UBTF: variants seen among roughly 807,000 people sequenced by gnomAD.
UBTF encodes nucleolar transcription factor 1.
UBTF carries 8 observed loss-of-function variants against 112.3 expected under a neutral mutation model. That is an observed-to-expected ratio of 0.07 (90% CI 0.04 to 0.13). The LOEUF is 0.13. Ranked by LOEUF, UBTF falls within the 10% of genes least tolerant of loss-of-function variation. UBTF has a pLI of 1.00. For synonymous variants in UBTF, 417 were observed against 373.1 expected (o/e 1.12, Z -1.36); for missense variants, 457 against 982.1 (o/e 0.47, Z 7.15).
chr17:44,216,815 T>G, intron 2 of UBTF, 111 bp from the exon 3 acceptor site: 1 of 1,109,618 alleles, frequency 9.0e-7, no homozygotes, highest in Admixed American at 1.8e-5. Flanking sequence ...AGCCCCTGGT[T>G]GCTTCCCATC....
upstream of UBTF, among the ~76,000 whole-genome samples, chr17:44,220,106 G>A (rs943414507): frequency 6.7e-6 from 1 of 149,488 alleles, no homozygotes; most frequent in African/African-American, 2.4e-5. Flanking sequence ...GCCGGGGCAG[G>A]GAGACACGCA....
intron 3 of UBTF, chr17:44,216,326 C>T (rs1431624294): frequency 1.5e-6 from 1 of 651,848 alleles, no homozygotes; most frequent in Non-Finnish European, 2.7e-6. Flanking sequence ...CTCAAGACCA[C>T]TCAGATAGAA....
intron 17 of UBTF, 98 bp from the exon 18 acceptor site, chr17:44,208,009 T>A (rs149153627): frequency 6.7e-7 from 1 of 1,488,888 alleles, no homozygotes; most frequent in African/African-American, 1.4e-5. Flanking sequence ...CATTTATATA[T>A]CATCACCCCA....
At chr17:44,208,444 T>C (rs986920239) in intron 17 of UBTF, among the ~76,000 whole-genome samples, 8 of 152,202 alleles carry the variant, frequency 5.3e-5, no homozygotes, top group African/African-American at 1.9e-4. Context: ...AGAGTCCTTC[T>C]CTAAACCACT....
rs962530278 is a variant in UBTF at position 44,207,371 on chromosome 17, G to T, written c.2170-4C>A. 1.2e-6 allele frequency: 2 copies of T among 1,612,648 alleles called. No homozygotes were observed. The highest frequency in any genetic ancestry group is 1.7e-5 in the Admixed American group (1 of 59,826). On this transcript the variant is annotated splice_region_variant and splice_polypyrimidine_tract_variant and intron_variant, in intron 20 of 20. Transcript: ENST00000436088. ...CGTCCTCGTCATCCTCTTCATTCTG[G>T]GGGGTGAGAAAGGATGTGGAGTCAC...
At position 44,207,930 on chromosome 17, in the gene UBTF, G is replaced by C; in HGVS notation, c.1906-19C>G. Reference sequence around the variant, plus strand: ...ACAGGCTCTGGGGGAGACAGAAGCGGCAAGGGTTGGAACATAGCCAACTAC... The same window carrying C: ...ACAGGCTCTGGGGGAGACAGAAGCGCCAAGGGTTGGAACATAGCCAACTAC... On this transcript the variant is annotated intron_variant, in intron 17 of 20. Coordinates refer to ENST00000436088, the MANE Select transcript of UBTF (RefSeq NM_014233.4). 6.2e-7 allele frequency: 1 copy of C among 1,613,646 alleles called. No homozygotes were observed. Among genetic ancestry groups the C allele is most frequent in the Non-Finnish European group, 8.5e-7 (1 of 1,179,980 alleles).
chr17:44,212,112 G>A lies in UBTF; in HGVS notation c.772-106C>T, dbSNP rs571657316. ...GGGCAGGCAGGGAGCAAAGCTGGGG[G>A]TGGCTGCGCGTCAGTGGTGTCACAC... On this transcript the variant is annotated intron_variant, in intron 8 of 20. Transcript: ENST00000436088. 7.8e-5 allele frequency: 96 copies of A among 1,235,024 alleles called. No homozygotes were observed. In the African/African-American group the frequency reaches 1.2e-3, roughly 15 times the overall value. 76.5% of individuals were successfully genotyped at this position (1,235,024 alleles called of 1,614,324 possible). A position where few individuals can be genotyped will look rare whatever the true frequency, so the allele number is the denominator to read the frequency against.
At chr17:44,216,068 G>T in intron 3 of UBTF, 79 bp from the exon 4 acceptor site, 1 of 1,158,984 alleles carries the variant, frequency 8.6e-7, no homozygotes, top group Non-Finnish European at 1.3e-6. Context: ...ATCTTATAAC[G>T]GGTCTCTTCT....
intron 12 of UBTF, 37 bp from the exon 13 acceptor site, chr17:44,210,984 G>A (rs371146318): frequency 3.7e-4 from 594 of 1,600,310 alleles, no homozygotes; most frequent in South Asian, 7.4e-4. Flanking sequence ...CGTGGGTGCT[G>A]CCAGGGAGCC....
chr17:44,212,018 G>T lies in UBTF; in HGVS notation c.772-12C>A. ...TCTCTCATGATCTCCTGCAGAGCCAGGTGGGGGGACGGAGGGCAATGGGGT... is the reference window on the plus strand; with the variant it reads ...TCTCTCATGATCTCCTGCAGAGCCATGTGGGGGGACGGAGGGCAATGGGGT... On this transcript the variant is annotated splice_polypyrimidine_tract_variant and intron_variant, in intron 8 of 20. Transcript: ENST00000436088. 1 of 1,612,446 alleles carries T rather than the reference G, an allele frequency of 6.2e-7. No individual in the cohort carries two copies.
At chr17:44,215,374 GGA>G (rs1009988213) in intron 5 of UBTF, 2 of 453,482 alleles carry the variant, frequency 4.4e-6, no homozygotes, top group Non-Finnish European at 8.0e-6. Flanking sequence ...GGTGTATGGG[GGA>G]GAGAGAGCTT....
Position 44,211,819 on chromosome 17 carries a change from C to T in UBTF, c.905+54G>A. The T allele has an allele frequency of 1.2e-6, 2 of 1,602,196 alleles. No individual in the cohort carries two copies. Among genetic ancestry groups the T allele is most frequent in the Middle Eastern group, 1.7e-4 (1 of 6,022 alleles). ...CAGCAGGCCTTCTCACCTGCAGAGC[C>T]CAGCCCAACTTCCCAGCTGCCCACT... On this transcript the variant is annotated intron_variant, in intron 9 of 20. Coordinates refer to ENST00000436088, the MANE Select transcript of UBTF (RefSeq NM_014233.4). This position sits in a 1 kb window ranked among gnomAD's most constrained non-coding sequence, Gnocchi z 4.9.
Position 44,215,777 on chromosome 17 carries a change from G to A in UBTF, c.351C>T (p.Thr117=). Residue 117 remains threonine (T), a synonymous_variant, in exon 5 of 21, where the codon ACC becomes ACT. Coordinates refer to ENST00000436088, the MANE Select transcript of UBTF (RefSeq NM_014233.4). ...KHPDFPKKPL[T]PYFRFFMEKR... ...TCTCCATGAAGAAGCGGAAATAAGG[G>A]GTCAGGGGCTTCTTTGGGAAGTCTG... 6.2e-7 allele frequency: 1 copy of A among 1,614,136 alleles called. No homozygotes were observed. The highest frequency in any genetic ancestry group is 8.5e-7 in the Non-Finnish European group (1 of 1,180,028).
At chr17:44,213,397 G>A in intron 5 of UBTF, 115 bp from the exon 6 acceptor site, 2 of 1,182,594 alleles carry the variant, frequency 1.7e-6, no homozygotes, top group Non-Finnish European at 2.3e-6. Flanking sequence ...TGTGATGCAG[G>A]GAGTGGAGGC....
chr17:44,213,053 G>C (rs1223137838), intron 6 of UBTF, 114 bp from the exon 7 acceptor site: 1 of 1,552,004 alleles, frequency 6.4e-7, no homozygotes, highest in African/African-American at 1.4e-5. Context: ...CAGTGGGACG[G>C]TGGCTGCCTG....
rs2056213343 is a variant in UBTF, at chr17:44,205,835, AT to A, written c.*1406del. The A allele has an allele frequency of 6.6e-6, 1 of 152,258 alleles. No homozygotes were observed. Among genetic ancestry groups the A allele is most frequent in the Non-Finnish European group, 1.5e-5 (1 of 68,040 alleles). 9.4% of individuals were successfully genotyped at this position (152,258 alleles called of 1,614,324 possible). A position where few individuals can be genotyped will look rare whatever the true frequency, so the allele number is the denominator to read the frequency against. The stretch of plus-strand genomic sequence containing the variant: ...CTACAGAGATAAGGTGGCTTGGCTT[AT>A]TAAGAGTCAAGGAATCAAGGTACCA... On this transcript the variant is annotated 3_prime_UTR_variant, in exon 21 of 21. Coordinates refer to ENST00000436088, the MANE Select transcript of UBTF (RefSeq NM_014233.4).
intron 3 of UBTF, 84 bp downstream of exon 3, chr17:44,216,445 C>G (rs2046850842): frequency 1.3e-6 from 2 of 1,516,342 alleles, no homozygotes; most frequent in Admixed American, 1.7e-5. Context: ...TGGTCTCTTT[C>G]CTTCCTGTTT....
At chr17:44,209,135 C>A in intron 17 of UBTF, 1 of 467,082 alleles carries the variant, frequency 2.1e-6, no homozygotes. Flanking sequence ...CACCACTGTA[C>A]TCCAGCCTGG....
At position 44,205,432 on chromosome 17, in the gene UBTF, A is replaced by C. The variant is rs192552176; in HGVS notation, c.*1810T>G. Reference sequence around the variant, plus strand: ...CACAACAGTGTAGGGGCATCCAAATAGGAAACTGGGGTTCTTTGCAGGGCT... The same window carrying C: ...CACAACAGTGTAGGGGCATCCAAATCGGAAACTGGGGTTCTTTGCAGGGCT... On this transcript the variant is annotated 3_prime_UTR_variant, in exon 21 of 21. Transcript: ENST00000436088. The C allele has an allele frequency of 6.6e-6, 1 of 152,622 alleles. No individual in the cohort carries two copies. Among genetic ancestry groups the C allele is most frequent in the East Asian group, 1.9e-4 (1 of 5,186 alleles). The allele number at this position is 152,622 out of a possible 1,614,324, so 9.5% of individuals were successfully genotyped here. A position where few individuals can be genotyped will look rare whatever the true frequency, so the allele number is the denominator to read the frequency against.
Sources: allele counts gnomAD v4.1 joint callset (sites outside exome capture counted in the v4.1 genomes callset), GRCh38; gene constraint gnomAD v4.1.1; non-coding constraint Gnocchi (gnomAD v3.1); transcripts MANE v1.5; gene names NCBI Gene and HGNC (gene_info 2026-07-23, HGNC 2026-07-21).